PACRGL: variants seen among roughly 807,000 people sequenced by gnomAD.
PACRGL encodes parkin coregulated like.
A neutral mutation model predicts 34.5 loss-of-function variants in PACRGL; 38 were observed. The observed-to-expected ratio is 1.10, with a 90% CI of 0.85 to 1.44. The LOEUF (loss-of-function observed/expected upper bound fraction) is 1.44, where lower values mean the gene tolerates loss of function less well. Ranked by LOEUF, PACRGL falls within the 40% of genes most tolerant of loss-of-function variation. The pLI is 0.00. For synonymous variants in PACRGL, 128 were observed against 100.1 expected, an observed-to-expected ratio of 1.28 and a Z score of -1.66; for missense variants, 305 against 281.4, an observed-to-expected ratio of 1.08 and a Z score of -0.60.
downstream of PACRGL, chr4:20,734,755 C>T: frequency 7.2e-7 from 1 of 1,379,712 alleles, no homozygotes; most frequent in Non-Finnish European, 1.0e-6. Flanking sequence ...AATAAAAATT[C>T]AATTTTATAT....
intron 7 of PACRGL, among the ~76,000 whole-genome samples, chr4:20,719,797 G>C (rs1742110421): frequency 6.6e-6 from 1 of 151,910 alleles, no homozygotes; most frequent in South Asian, 2.1e-4. Context: ...TGAGAAGAAT[G>C]TATATTCTGT....
At chr4:20,716,041 T>C in intron 7 of PACRGL, 1 of 1,432,876 alleles carries the variant, frequency 7.0e-7, no homozygotes, top group Non-Finnish European at 9.2e-7. Context: ...AATCTGTAAA[T>C]TGCATTCAGG....
At chr4:20,754,001 A>C (rs184866768), downstream of PACRGL, among the ~76,000 whole-genome samples, 1 of 152,180 alleles carries the variant, frequency 6.6e-6, no homozygotes, top group South Asian at 2.1e-4. Flanking sequence ...ATGAGCAGGA[A>C]TAGCCCAGGA....
At chr4:20,749,904 C>T (rs1753279085) in intron 8 of PACRGL, among the ~76,000 whole-genome samples, 1 of 152,148 alleles carries the variant, frequency 6.6e-6, no homozygotes, top group Non-Finnish European at 1.5e-5. Flanking sequence ...GTTTGAGATT[C>T]ACAGGAAGAA....
At chr4:20,741,746 A>G (rs1008914218) in intron 8 of PACRGL, among the ~76,000 whole-genome samples, 1 of 152,230 alleles carries the variant, frequency 6.6e-6, no homozygotes, top group African/African-American at 2.4e-5. Flanking sequence ...AGACAGAGAC[A>G]CAAAAAACCC....
At chr4:20,722,518 C>G (rs549515954) in intron 7 of PACRGL, among the ~76,000 whole-genome samples, 19 of 152,204 alleles carry the variant, frequency 1.2e-4, no homozygotes, top group Non-Finnish European at 2.8e-4. Context: ...TGTGTGGCAA[C>G]GTGCATGGAG....
chr4:20,764,411 T>A, the PACRGL span, among the ~76,000 whole-genome samples: 3 of 152,208 alleles, frequency 2.0e-5, no homozygotes, highest in South Asian at 6.2e-4. Flanking sequence ...CTGTTGCATA[T>A]TGAGGCGATT....
chr4:20,724,119 A>T, intron 7 of PACRGL, among the ~76,000 whole-genome samples: 1 of 152,166 alleles, frequency 6.6e-6, no homozygotes, highest in East Asian at 1.9e-4. Context: ...AATAAGCTAT[A>T]CCTTTTCTGA....
the PACRGL span, among the ~76,000 whole-genome samples, chr4:20,762,705 C>T: frequency 2.0e-5 from 3 of 152,172 alleles, no homozygotes; most frequent in African/African-American, 7.2e-5. Context: ...TCAAATGTCC[C>T]TTAATCAAAA....
At chr4:20,743,112 A>G (rs1204170902) in intron 8 of PACRGL, among the ~76,000 whole-genome samples, 1 of 151,784 alleles carries the variant, frequency 6.6e-6, no homozygotes, top group Non-Finnish European at 1.5e-5. Flanking sequence ...TCAATGAAAT[A>G]AAAGAGGACA....
At chr4:20,712,215 G>A (rs554832197) in intron 5 of PACRGL, among the ~76,000 whole-genome samples, 1 of 133,602 alleles carries the variant, frequency 7.5e-6, no homozygotes, top group South Asian at 2.4e-4. Flanking sequence ...ATTTTTTCTT[G>A]CCTCCCCTGT....
chr4:20,754,960 T>G (rs1754254614), downstream of PACRGL, among the ~76,000 whole-genome samples: 2 of 152,214 alleles, frequency 1.3e-5, no homozygotes, highest in African/African-American at 4.8e-5. Context: ...AATATAATTT[T>G]TCTTTAAAAA....
At chr4:20,726,790 CTGATT>C (rs1312273098) in intron 8 of PACRGL, among the ~76,000 whole-genome samples, 1 of 152,082 alleles carries the variant, frequency 6.6e-6, no homozygotes, top group Non-Finnish European at 1.5e-5. Context: ...CATTCTTAGC[CTGATT>C]TGATTTTTTT....
chr4:20,721,035 T>G (rs1198000546), intron 7 of PACRGL, among the ~76,000 whole-genome samples: 1 of 152,168 alleles, frequency 6.6e-6, no homozygotes, highest in Non-Finnish European at 1.5e-5. Flanking sequence ...TTTTTACTCT[T>G]TTTTCTCTAA....
chr4:20,707,452 TA>T (rs1156790493), intron 3 of PACRGL, among the ~76,000 whole-genome samples: 12 of 152,154 alleles, frequency 7.9e-5, no homozygotes, highest in African/African-American at 2.7e-4. Flanking sequence ...AAGCACAAAG[TA>T]GGAGATGTGC....
At chr4:20,766,925 C>T in the PACRGL span, 1 of 152,196 alleles carries the variant, frequency 6.6e-6, no homozygotes, top group African/African-American at 2.4e-5. Context: ...ATCTAAGTCT[C>T]ATTGCTCTCC....
intron 8 of PACRGL, among the ~76,000 whole-genome samples, chr4:20,752,369 T>G (rs977632700): frequency 6.6e-6 from 1 of 152,122 alleles, no homozygotes. Flanking sequence ...TTCATAGAGA[T>G]CTTACTAAGT....
chr4:20,762,045 T>G, the PACRGL span, among the ~76,000 whole-genome samples: 1 of 152,174 alleles, frequency 6.6e-6, no homozygotes, highest in Non-Finnish European at 1.5e-5. Context: ...TCAGGCTCCT[T>G]TAACAAAATG....
At chr4:20,702,501 A>G (rs1732633959) in intron 1 of PACRGL, 2 of 215,904 alleles carry the variant, frequency 9.3e-6, no homozygotes, top group Middle Eastern at 2.1e-3. Context: ...AATAATAGCT[A>G]AGACTCATGT....
Sources: gnomAD v4.1 joint callset for allele counts (sites outside exome capture counted in the v4.1 genomes callset) on GRCh38, gnomAD v4.1.1 for gene constraint, MANE v1.5 for transcripts, NCBI Gene and HGNC (gene_info 2026-07-23, HGNC 2026-07-21) for gene names.